Variants in SPACA3 observed in about 807,000 individuals in gnomAD.
SPACA3 encodes the protein sperm acrosome membrane-associated protein 3.
In SPACA3, 21 loss-of-function variants were observed where a neutral mutation model predicts 24.5. That is an observed-to-expected ratio of 0.86 (90% CI 0.61 to 1.24). The LOEUF (loss-of-function observed/expected upper bound fraction) is 1.24. Among genes scored for constraint, SPACA3 ranks in the 50% most tolerant of loss-of-function variants. SPACA3 has a pLI of 0.00. For missense variants in SPACA3, 278 were observed against 275.5 expected, an observed-to-expected ratio of 1.01 and a Z score of -0.06; for synonymous variants, 115 against 106.9, an observed-to-expected ratio of 1.08 and a Z score of -0.47.
At position 32,996,842 on chromosome 17, in the gene SPACA3, GGGGTCTGCCT is replaced by G; in HGVS notation, c.344_353del (p.Trp115LeufsTer53). Reference sequence around the variant, plus strand: ...CCAGGCCTATGCTCTGCCCTATGCAGGGGTCTGCCTTGCTTATTTCACAAGCGGTTTCAAC... The same window carrying G: ...CCAGGCCTATGCTCTGCCCTATGCAGTGCTTATTTCACAAGCGGTTTCAAC... On this transcript the variant is annotated frameshift_variant and splice_region_variant, in exon 3 of 5. Transcript: ENST00000269053. LOFTEE classifies it high-confidence loss of function. 2 of 1,580,318 alleles carry G rather than the reference GGGGTCTGCCT, an allele frequency of 1.3e-6. No homozygotes were observed. The highest frequency in any genetic ancestry group is 1.7e-6 in the Non-Finnish European group (2 of 1,162,808).
At chr17:32,992,013 G>A in intron 1 of SPACA3, 41 bp downstream of exon 1, 3 of 1,610,186 alleles carry the variant, frequency 1.9e-6, no homozygotes, top group Non-Finnish European at 2.5e-6. Flanking sequence ...GTTAACAGGG[G>A]CGCTGGGTTG....
intron 1 of SPACA3, chr17:32,992,809 G>A: frequency 2.2e-6 from 1 of 450,632 alleles, no homozygotes; most frequent in Admixed American, 2.6e-5. Flanking sequence ...ATGAGGGAGT[G>A]GGCCGCAGGG....
Position 32,992,186 on chromosome 17 carries a change from CAAAAAA to C in SPACA3, c.34+231_34+236del, listed in dbSNP as rs10591674. Among the ~76,000 whole-genome samples the C allele has an allele frequency of 4.1e-3, 463 of 113,554 alleles. 2 individuals carry two copies. Among genetic ancestry groups the C allele is most frequent in the African/African-American group, 0.014 (447 of 31,804 alleles). The allele number at this position is 113,554 out of a possible 152,430, so 74.5% of individuals were successfully genotyped here. ...GAATTCCTTTTAAGTCACTTTTCTA[CAAAAAA>C]AAAAAAAAAAAAAAAATCAAAAACA... On this transcript the variant is annotated intron_variant, in intron 1 of 4. Coordinates refer to ENST00000269053, the MANE Select transcript of SPACA3 (RefSeq NM_173847.5).
intron 2 of SPACA3, among the ~76,000 whole-genome samples, chr17:32,996,166 G>C (rs2091720287): frequency 1.3e-5 from 2 of 152,168 alleles, no homozygotes; most frequent in South Asian, 4.1e-4. Flanking sequence ...GATTCCACCT[G>C]GGTCTTCCTA....
chr17:32,992,113 G>C, intron 1 of SPACA3, 141 bp downstream of exon 1: 1 of 661,420 alleles, frequency 1.5e-6, no homozygotes, highest in Non-Finnish European at 2.5e-6. Flanking sequence ...AGAGAGGAGA[G>C]AGAGAGAGAG....
chr17:32,995,219 C>T (rs1018431015), intron 1 of SPACA3, among the ~76,000 whole-genome samples, 190 bp from the exon 2 acceptor site: 2 of 152,134 alleles, frequency 1.3e-5, no homozygotes, highest in African/African-American at 2.4e-5. Flanking sequence ...TAATCCGTAA[C>T]GTGTAATATG....
intron 1 of SPACA3, among the ~76,000 whole-genome samples, chr17:32,993,597 AG>A (rs1467158700): frequency 1.3e-5 from 2 of 152,088 alleles, no homozygotes; most frequent in African/African-American, 4.8e-5. Context: ...ACAGAGTCGA[AG>A]GGGGCCTCCT....
chr17:32,992,465 A>G (rs533989090), intron 1 of SPACA3, among the ~76,000 whole-genome samples: 48 of 152,208 alleles, frequency 3.2e-4, no homozygotes, highest in Non-Finnish European at 5.4e-4. Flanking sequence ...TTTCAGAAGC[A>G]GCCACAGAGC....
chr17:32,992,189 A>T (rs1201348004), intron 1 of SPACA3, among the ~76,000 whole-genome samples: 1 of 52,098 alleles, frequency 1.9e-5, no homozygotes, highest in Non-Finnish European at 3.5e-5. Context: ...TTTTCTACAA[A>T]AAAAAAAAAA....
Position 32,995,697 on chromosome 17 carries a change from G to T in SPACA3, c.323G>T (p.Arg108Leu). Residue 108 changes from arginine to leucine, a missense_variant, in exon 2 of 5, where the codon CGG (arginine) becomes CTG (leucine). By Grantham distance (102) the Arg-to-Leu change is moderately radical. Transcript: ENST00000269053. ...VLHDFGLDGYRGYSLADWVCL... is the reference protein window; with the variant it reads ...VLHDFGLDGYLGYSLADWVCL... ...CATGACTTCGGGCTGGACGGATACC[G>T]GGGATACAGCCTGGCTGACTGTGAG... 6.2e-7 allele frequency: 1 copy of T among 1,613,592 alleles called. No individual in the cohort carries two copies. The highest frequency in any genetic ancestry group is 8.5e-7 in the Non-Finnish European group (1 of 1,179,554).
chr17:32,997,375 ACT>A (rs1332712328), intron 3 of SPACA3, 68 bp from the exon 4 acceptor site: 12 of 1,157,708 alleles, frequency 1.0e-5, no homozygotes, highest in Admixed American at 1.8e-5. Context: ...ACAGATACAC[ACT>A]CACACACACA....
rs761929137 is a variant in SPACA3, at chr17:32,995,690, G to A, written c.316G>A (p.Gly106Arg). The A allele has an allele frequency of 5.0e-6, 8 of 1,613,644 alleles. No homozygotes were observed. Among genetic ancestry groups the A allele is most frequent in the South Asian group, 3.3e-5 (3 of 91,056 alleles). Residue 106 changes from glycine to arginine, a missense_variant, in exon 2 of 5, where the codon GGA becomes AGA. By Grantham distance (125) the Gly-to-Arg change is moderately radical. Transcript: ENST00000269053. ...ARVLHDFGLD[G>R]YRGYSLADWV... Reference sequence around the variant, plus strand: ...AGTGCTACATGACTTCGGGCTGGACGGATACCGGGGATACAGCCTGGCTGA... The same window carrying A: ...AGTGCTACATGACTTCGGGCTGGACAGATACCGGGGATACAGCCTGGCTGA...
At chr17:32,994,086 A>G (rs2091708076) in intron 1 of SPACA3, among the ~76,000 whole-genome samples, 2 of 152,164 alleles carry the variant, frequency 1.3e-5, no homozygotes, top group Admixed American at 1.3e-4. Context: ...AGACGAGATC[A>G]TGTTCTGAGA....
chr17:32,997,731 T>G lies in SPACA3; in HGVS notation c.601T>G (p.Cys201Gly). The change falls in exon 5 of 5, where the codon TGC becomes GGC. Residue 201 changes from cysteine (C) to glycine (G), a missense_variant. Cys to Gly is a radical substitution (Grantham distance 159). Transcript: ENST00000269053. ...CCTCAGGGAGGCCTGGAGGCATCAC[T>G]GCCAGGGAAAAGACCTCACTGAATG... ...LGYWEAWRHH[C>G]QGKDLTEWVD... The G allele has an allele frequency of 6.2e-7, 1 of 1,614,222 alleles. No individual in the cohort carries two copies. Among genetic ancestry groups the G allele is most frequent in the Non-Finnish European group, 8.5e-7 (1 of 1,180,038 alleles).
In SPACA3 at chr17:32,996,855, C is replaced by T; in HGVS notation, c.356C>T (p.Ala119Val). ...CTGCCCTATGCAGGGGTCTGCCTTG[C>T]TTATTTCACAAGCGGTTTCAACGCA... ...GYSLADWVCL[A>V]YFTSGFNAAA... The change falls in exon 3 of 5, where the codon GCT becomes GTT. Residue 119 changes from alanine (A) to valine (V), a missense_variant. By Grantham distance (64) the Ala-to-Val change is moderately conservative. Coordinates refer to ENST00000269053, the MANE Select transcript of SPACA3 (RefSeq NM_173847.5). 1 of 1,598,324 alleles carries T rather than the reference C, an allele frequency of 6.3e-7. No individual in the cohort carries two copies. The highest frequency in any genetic ancestry group is 8.5e-7 in the Non-Finnish European group (1 of 1,172,106).
intron 1 of SPACA3, among the ~76,000 whole-genome samples, chr17:32,994,372 A>AGTCAG (rs1555561015): frequency 1.3e-5 from 2 of 152,142 alleles, no homozygotes; most frequent in East Asian, 3.9e-4. Context: ...GAGGGCCCAA[A>AGTCAG]ATCAGAGATG....
Position 32,997,563 on chromosome 17 carries a change from T to G in SPACA3, c.581+40T>G, listed in dbSNP as rs761276755. 1.6e-5 allele frequency: 25 copies of G among 1,587,298 alleles called. No individual in the cohort carries two copies. The East Asian group carries it at 5.4e-4, about 34-fold the overall frequency. Reference sequence around the variant, plus strand: ...CTGGAGCCCCGCAGCGGTGGTATGGTTAGGACTGGTGGGCAGCAGCAGGGA... The same window carrying G: ...CTGGAGCCCCGCAGCGGTGGTATGGGTAGGACTGGTGGGCAGCAGCAGGGA... On this transcript the variant is annotated intron_variant, in intron 4 of 4. Transcript: ENST00000269053.
chr17:32,993,166 A>C (rs1425073483), intron 1 of SPACA3, among the ~76,000 whole-genome samples: 1 of 152,206 alleles, frequency 6.6e-6, no homozygotes, highest in East Asian at 1.9e-4. Flanking sequence ...CATGTTTTAA[A>C]GCACATAAGG....
intron 1 of SPACA3, among the ~76,000 whole-genome samples, chr17:32,992,362 ACT>A (rs1466036322): frequency 6.6e-6 from 1 of 151,908 alleles, no homozygotes; most frequent in African/African-American, 2.4e-5. Context: ...GACTTGACAA[ACT>A]CCACCAGGTT....
Sources: allele counts gnomAD v4.1 joint callset (sites outside exome capture counted in the v4.1 genomes callset), GRCh38; gene constraint gnomAD v4.1.1; transcripts MANE v1.5; gene names NCBI Gene and HGNC (gene_info 2026-07-23, HGNC 2026-07-21).